SND1: variants seen among roughly 807,000 people sequenced by gnomAD.
SND1 encodes the protein staphylococcal nuclease domain-containing protein 1.
A neutral mutation model predicts 121.7 loss-of-function variants in SND1; 38 were observed. The ratio of observed to expected loss-of-function variants is 0.31; its 90% CI spans 0.24 to 0.41. SND1 has a LOEUF of 0.41. Ranked by LOEUF, SND1 falls within the 10% of genes least tolerant of loss-of-function variation. The pLI, the probability that SND1 is intolerant of heterozygous loss-of-function variation, is 1.00. For missense variants in SND1, 868 were observed against 1,184.6 expected (o/e 0.73, Z 3.92); for synonymous variants, 401 against 447.4 (o/e 0.90, Z 1.31).
intron 10 of SND1, among the ~76,000 whole-genome samples, chr7:127,802,879 T>G (rs1798160879): frequency 6.6e-6 from 1 of 152,230 alleles, no homozygotes; most frequent in African/African-American, 2.4e-5. Flanking sequence ...TTCCTCCTTT[T>G]CTTTCATTCC....
At chr7:127,672,143 A>G (rs1403660890) in intron 1 of SND1, among the ~76,000 whole-genome samples, 2 of 152,170 alleles carry the variant, frequency 1.3e-5, no homozygotes, top group African/African-American at 4.8e-5. Flanking sequence ...CAGAATCTGA[A>G]CAGTGAGGAT....
chr7:127,680,861 C>G (rs568209563), intron 1 of SND1, among the ~76,000 whole-genome samples: 1 of 151,868 alleles, frequency 6.6e-6, no homozygotes, highest in African/African-American at 2.4e-5. Flanking sequence ...TTCATGGAAT[C>G]TTCACAATTT....
At chr7:128,072,496 C>T (rs369504853) in intron 16 of SND1, among the ~76,000 whole-genome samples, 21 of 152,344 alleles carry the variant, frequency 1.4e-4, no homozygotes, top group African/African-American at 4.3e-4. Flanking sequence ...AACCCCTAAA[C>T]ACAAGGCAAG....
intron 1 of SND1, among the ~76,000 whole-genome samples, chr7:127,676,233 C>T (rs1356856546): frequency 6.6e-6 from 1 of 152,090 alleles, no homozygotes; most frequent in East Asian, 1.9e-4. Flanking sequence ...CCTGCTTCCT[C>T]AGGGCATTGT....
intron 11 of SND1, among the ~76,000 whole-genome samples, chr7:127,822,894 C>T (rs1328237755): frequency 6.6e-6 from 1 of 152,184 alleles, no homozygotes; most frequent in Admixed American, 6.5e-5. Flanking sequence ...ACCAAATAGA[C>T]ATGAGTTTGA....
intron 12 of SND1, among the ~76,000 whole-genome samples, chr7:127,869,899 A>AT (rs1799548605): frequency 6.6e-6 from 1 of 152,160 alleles, no homozygotes; most frequent in Non-Finnish European, 1.5e-5. Context: ...ATGGAATCAT[A>AT]ATATGTGATT....
intron 1 of SND1, among the ~76,000 whole-genome samples, chr7:127,677,302 T>C (rs561048887): frequency 6.6e-6 from 1 of 152,372 alleles, no homozygotes; most frequent in East Asian, 1.9e-4. Flanking sequence ...TATGTATTTA[T>C]TTTATAAATG....
At chr7:127,772,707 T>C (rs1797537057) in intron 10 of SND1, among the ~76,000 whole-genome samples, 2 of 152,226 alleles carry the variant, frequency 1.3e-5, no homozygotes, top group Admixed American at 6.5e-5. Context: ...GTAATTTTTT[T>C]TTTTAATTAC....
chr7:127,967,625 C>G (rs571743707), intron 15 of SND1, among the ~76,000 whole-genome samples: 39 of 152,204 alleles, frequency 2.6e-4, no homozygotes, highest in Non-Finnish European at 4.6e-4. Context: ...TATCCTCACT[C>G]CTGCCATGCT....
intron 11 of SND1, among the ~76,000 whole-genome samples, chr7:127,812,687 G>A (rs980155819): frequency 6.6e-5 from 10 of 152,168 alleles, no homozygotes; most frequent in Admixed American, 3.9e-4. Flanking sequence ...TGCTTAGCAG[G>A]ACCAGTTTTT....
Position 127,766,518 on chromosome 7 carries a change from T to G in SND1, c.1153-40966T>G, listed in dbSNP as rs143343835. Among the ~76,000 whole-genome samples the G allele has an allele frequency of 1.3e-3, 204 of 152,192 alleles. 2 individuals carry two copies. In the East Asian group the frequency reaches 0.021, roughly 16 times the overall value. On this transcript the variant is annotated intron_variant, in intron 10 of 23. Coordinates refer to ENST00000354725, the MANE Select transcript of SND1 (RefSeq NM_014390.4). ...AGGCCGGGCGCGATGGCTCATGCCT[T>G]TAATCCCAGCACTTTGGGAGGCCAA...
At chr7:127,704,818 C>T in intron 7 of SND1, 21 bp from the exon 8 acceptor site, 4 of 1,597,864 alleles carry the variant, frequency 2.5e-6, no homozygotes, top group Non-Finnish European at 3.4e-6. Flanking sequence ...GTGCCTGCCT[C>T]TCATGTACCT....
chr7:127,824,768 T>C (rs1798612583), intron 11 of SND1, among the ~76,000 whole-genome samples: 1 of 152,180 alleles, frequency 6.6e-6, no homozygotes, highest in South Asian at 2.1e-4. Context: ...TTTTAGTAGT[T>C]CTAACCATTT....
chr7:128,012,920 G>A (rs1221392024), intron 16 of SND1, among the ~76,000 whole-genome samples: 1 of 152,170 alleles, frequency 6.6e-6, no homozygotes, highest in Non-Finnish European at 1.5e-5. Context: ...CACTCAGCCA[G>A]CCCAAAGGTT....
chr7:128,047,972 C>T (rs928820136), intron 16 of SND1, among the ~76,000 whole-genome samples: 16 of 152,058 alleles, frequency 1.1e-4, no homozygotes, highest in African/African-American at 3.6e-4. Context: ...CTCAGCCTCC[C>T]GAGTAGCTGG....
chr7:127,851,739 T>G (rs939325752), intron 12 of SND1, among the ~76,000 whole-genome samples: 2 of 152,242 alleles, frequency 1.3e-5, no homozygotes, highest in Admixed American at 6.5e-5. Context: ...ATTTTATTGA[T>G]TTTTCTTTCA....
intron 15 of SND1, among the ~76,000 whole-genome samples, chr7:127,960,913 A>C (rs1237378004): frequency 6.6e-6 from 1 of 152,248 alleles, no homozygotes; most frequent in African/African-American, 2.4e-5. Flanking sequence ...GCTTAGGGGA[A>C]TCCCAAGAGA....
At chr7:128,084,980 T>C (rs1005610940) in intron 19 of SND1, 133 bp downstream of exon 19, 16 of 901,584 alleles carry the variant, frequency 1.8e-5, no homozygotes, top group African/African-American at 1.2e-4. Flanking sequence ...CTCTCCTGGG[T>C]GTCCCTCTTC....
intron 19 of SND1, 86 bp downstream of exon 19, chr7:128,084,933 C>A: frequency 7.2e-7 from 1 of 1,387,064 alleles, no homozygotes; most frequent in South Asian, 1.5e-5. Flanking sequence ...CCTTAGCAGT[C>A]TGGTTTCCCC....
Sources: allele counts gnomAD v4.1 joint callset (sites outside exome capture counted in the v4.1 genomes callset), GRCh38; gene constraint gnomAD v4.1.1; transcripts MANE v1.5; gene names NCBI Gene and HGNC (gene_info 2026-07-23, HGNC 2026-07-21).